FBN2: variants seen among roughly 807,000 people sequenced by gnomAD.
The protein encoded by FBN2 is fibrillin-2.
A neutral mutation model predicts 355.6 loss-of-function variants in FBN2; 105 were observed. That is an observed-to-expected ratio of 0.30 (90% confidence interval 0.25 to 0.35). The LOEUF (loss-of-function observed/expected upper bound fraction) is 0.35. Among genes scored for constraint, FBN2 ranks in the 10% least tolerant of loss-of-function variants. The pLI is 1.00. For missense variants in FBN2, 3,280 were observed against 3,758.7 expected, an observed-to-expected ratio of 0.87 and a Z score of 3.33; for synonymous variants, 1,350 against 1,301.2, an observed-to-expected ratio of 1.04 and a Z score of -0.81.
chr5:128,448,348 A>G (rs1754131167), intron 6 of FBN2, among the ~76,000 whole-genome samples: 2 of 151,302 alleles, frequency 1.3e-5, no homozygotes. Flanking sequence ...CTTGTTGCCC[A>G]GGCTGGAGTG....
chr5:128,334,518 G>A (rs530263913), intron 31 of FBN2, among the ~76,000 whole-genome samples: 7 of 152,156 alleles, frequency 4.6e-5, no homozygotes, highest in Middle Eastern at 3.4e-3. Context: ...CCAGCCCCAC[G>A]GTGGGTGGCT....
chr5:128,385,790 G>A (rs1165904014), intron 11 of FBN2, among the ~76,000 whole-genome samples: 1 of 152,090 alleles, frequency 6.6e-6, no homozygotes, highest in Non-Finnish European at 1.5e-5. Flanking sequence ...CTAATGAGAG[G>A]TGGTGCTGAG....
At chr5:128,514,223 A>G (rs10477685) in intron 5 of FBN2, among the ~76,000 whole-genome samples, 24,668 of 152,182 alleles carry the variant, frequency 0.16, 3,636 homozygotes, top group African/African-American at 0.39. Context: ...AGTTTAAATA[A>G]CATTAGTATA....
intron 23 of FBN2, among the ~76,000 whole-genome samples, chr5:128,346,610 T>C (rs1438721024): frequency 1.3e-5 from 2 of 152,104 alleles, no homozygotes; most frequent in East Asian, 3.8e-4. Context: ...ATTTTTTTTC[T>C]TTCTTTCTTT....
chr5:128,265,570 C>G (rs1765094670), intron 62 of FBN2, among the ~76,000 whole-genome samples: 1 of 152,140 alleles, frequency 6.6e-6, no homozygotes. Context: ...CTGGAAGTTA[C>G]TAAAACACAA....
At chr5:128,344,643 A>G (rs1036365895) in intron 24 of FBN2, 133 bp from the exon 25 acceptor site, 2 of 783,508 alleles carry the variant, frequency 2.6e-6, no homozygotes, top group South Asian at 2.8e-5. Context: ...TAAATGTTTC[A>G]GTGATCACAC....
intron 48 of FBN2, among the ~76,000 whole-genome samples, chr5:128,299,655 G>A (rs1216626708): frequency 1.3e-5 from 2 of 152,208 alleles, no homozygotes; most frequent in South Asian, 2.1e-4. Context: ...CTTCCCGAGT[G>A]AGGCAATGCC....
At chr5:128,454,344 G>A (rs1029557419) in intron 6 of FBN2, among the ~76,000 whole-genome samples, 17 of 152,252 alleles carry the variant, frequency 1.1e-4, no homozygotes, top group Non-Finnish European at 1.9e-4. Flanking sequence ...CTATAATTGA[G>A]TTTGCTTTAA....
At chr5:128,500,546 C>A (rs1003625667) in intron 5 of FBN2, among the ~76,000 whole-genome samples, 3 of 148,948 alleles carry the variant, frequency 2.0e-5, no homozygotes, top group African/African-American at 5.0e-5. Context: ...GGGTTCACGC[C>A]ATTCTCCCGC....
chr5:128,296,713 T>C (rs949197796), intron 48 of FBN2, among the ~76,000 whole-genome samples: 1 of 152,218 alleles, frequency 6.6e-6, no homozygotes, highest in Non-Finnish European at 1.5e-5. Context: ...TTGCATCTAT[T>C]TGATTCTTCT....
In FBN2 at chr5:128,338,011, C is replaced by A; in HGVS notation, c.3584G>T (p.Arg1195Leu). The A allele has an allele frequency of 6.2e-7, 1 of 1,614,124 alleles. No homozygotes were observed. Among genetic ancestry groups the A allele is most frequent in the South Asian group, 1.1e-5 (1 of 91,074 alleles). ...CPLGHELSPS[R>L]EDCVDINECS... ...GATAAACTCACCCACACAGTCCTCA[C>A]GGGATGGTGACAGCTCGTGTCCCAG... The change falls in exon 27 of 65, where the codon CGT (arginine) becomes CTT (leucine). Residue 1195 changes from arginine (R) to leucine (L), a missense_variant. Coordinates refer to ENST00000262464, the MANE Select transcript of FBN2 (RefSeq NM_001999.4).
At chr5:128,489,425 T>C (rs981800055) in intron 5 of FBN2, among the ~76,000 whole-genome samples, 4 of 142,916 alleles carry the variant, frequency 2.8e-5, no homozygotes, top group Non-Finnish European at 5.9e-5. Context: ...TTGAATTTGT[T>C]TTTCTCTTTT....
intron 52 of FBN2, 86 bp downstream of exon 52, chr5:128,289,041 T>A: frequency 7.2e-7 from 1 of 1,387,938 alleles, no homozygotes. Context: ...AATCCCCCCA[T>A]CACCCAGGGT....
chr5:128,472,056 ATCTACCCATGT>A (rs796379188), intron 5 of FBN2, among the ~76,000 whole-genome samples: 41 of 152,370 alleles, frequency 2.7e-4, no homozygotes, highest in African/African-American at 9.9e-4. Context: ...AGAGATATTT[ATCTACCCATGT>A]TCACAGCAGC....
At position 128,263,477 on chromosome 5, in the gene FBN2, C is replaced by T. The variant is rs766619186; in HGVS notation, c.8140G>A (p.Glu2714Lys). 1.2e-6 allele frequency: 2 copies of T among 1,614,140 alleles called. No homozygotes were observed. Among genetic ancestry groups the T allele is most frequent in the East Asian group, 4.5e-5 (2 of 44,862 alleles). The change falls in exon 63 of 65, where the codon GAG becomes AAG. Residue 2714 changes from glutamate to lysine, a missense_variant. By Grantham distance (56) the Glu-to-Lys change is moderately conservative (BLOSUM62 1). Transcript: ENST00000262464. ...GGGCAGCCACAGAGGTAGCCCCCCT[C>T]CGTGTTAGAGCAGCCGTAATTGCAG... ...NPCNYGCSNT[E>K]GGYLCGCPPG...
chr5:128,305,249 T>C (rs558739051), intron 44 of FBN2, among the ~76,000 whole-genome samples, 167 bp from the exon 45 acceptor site: 1 of 152,260 alleles, frequency 6.6e-6, no homozygotes, highest in South Asian at 2.1e-4. Flanking sequence ...TATCCAACCC[T>C]CTTTTTTTAA....
chr5:128,296,320 C>T (rs1253274978), intron 48 of FBN2, among the ~76,000 whole-genome samples: 18 of 151,882 alleles, frequency 1.2e-4, no homozygotes, highest in Middle Eastern at 3.4e-3. Flanking sequence ...TGTCTCTGCC[C>T]GGCTTTGGTA....
At chr5:128,437,720 C>T (rs1356320002) in intron 7 of FBN2, among the ~76,000 whole-genome samples, 2 of 150,908 alleles carry the variant, frequency 1.3e-5, no homozygotes, top group African/African-American at 2.4e-5. Context: ...GGGAGCACCA[C>T]ATATAGAGAG....
At chr5:128,400,607 T>C (rs964172327) in intron 8 of FBN2, among the ~76,000 whole-genome samples, 1 of 152,214 alleles carries the variant, frequency 6.6e-6, no homozygotes, top group Non-Finnish European at 1.5e-5. Context: ...AAATAAATCA[T>C]TTGTTAAACC....
Sources: allele counts gnomAD v4.1 joint callset (sites outside exome capture counted in the v4.1 genomes callset), GRCh38; gene constraint gnomAD v4.1.1; transcripts MANE v1.5; gene names NCBI Gene and HGNC (gene_info 2026-07-23, HGNC 2026-07-21).